SUPT6H: variants seen among roughly 807,000 people sequenced by gnomAD.
SUPT6H encodes the protein SPT6 homolog, histone chaperone and transcription elongation factor.
A neutral mutation model predicts 222.3 loss-of-function variants in SUPT6H; 11 were observed. The ratio of observed to expected loss-of-function variants is 0.05; its 90% CI spans 0.03 to 0.08. The LOEUF (loss-of-function observed/expected upper bound fraction) is 0.08. SUPT6H is among the 10% of genes least tolerant of loss of function. The probability of loss-of-function intolerance (pLI) is 1.00; values close to 1 mark genes in which losing one functional copy is unlikely to be tolerated. For synonymous variants in SUPT6H, 762 were observed against 801.2 expected (o/e 0.95, Z 0.83); for missense variants, 1,422 against 2,216.0 (o/e 0.64, Z 7.19).
chr17:28,692,897 A>G lies in SUPT6H; in HGVS notation c.3634-799A>G, dbSNP rs565009883. Among the ~76,000 whole-genome samples the G allele has an allele frequency of 2.0e-5, 3 of 147,034 alleles. No homozygotes were observed. The East Asian group carries it at 6.2e-4, about 30-fold the overall frequency. On this transcript the variant is annotated intron_variant, in intron 27 of 36. Coordinates refer to ENST00000314616, the MANE Select transcript of SUPT6H (RefSeq NM_003170.5). ...GCGCTTGTAGTCCCAGCTACTCGGG[A>G]GGCAGAGGCAGGAGAATGGCGTGAA...
At chr17:28,693,908 C>G (rs905438321) in intron 28 of SUPT6H, 72 bp downstream of exon 28, 12 of 1,592,640 alleles carry the variant, frequency 7.5e-6, no homozygotes, top group Admixed American at 1.7e-5. Flanking sequence ...TAACTTTGGG[C>G]TGTCCCCACC....
In SUPT6H at chr17:28,697,612, TC is replaced by T. The variant is rs769540168; in HGVS notation, c.4210-5del. 3.7e-6 allele frequency: 6 copies of T among 1,612,890 alleles called. No homozygotes were observed. In the South Asian group the frequency reaches 6.6e-5, roughly 18 times the overall value. On this transcript the variant is annotated splice_polypyrimidine_tract_variant and splice_region_variant and intron_variant, in intron 30 of 36. Transcript: ENST00000314616. ...ATGACACATGGGGCCTTTACCTTCT[TC>T]CCACAGGAATTCGAAGATTTGGATG...
At chr17:28,669,796 C>T (rs1047708174) in intron 1 of SUPT6H, among the ~76,000 whole-genome samples, 17 of 152,264 alleles carry the variant, frequency 1.1e-4, no homozygotes, top group South Asian at 1.0e-3. Flanking sequence ...ATTAGCTAGA[C>T]GTGGTGGCGA....
chr17:28,677,022 A>T (rs376783923), intron 7 of SUPT6H, among the ~76,000 whole-genome samples: 79 of 152,220 alleles, frequency 5.2e-4, no homozygotes, highest in East Asian at 4.4e-3. Flanking sequence ...TGAGGTCAGG[A>T]GTTCGAGACC....
chr17:28,676,957 G>A (rs1459039457), intron 7 of SUPT6H, among the ~76,000 whole-genome samples: 2 of 151,836 alleles, frequency 1.3e-5, no homozygotes, highest in African/African-American at 2.4e-5. Context: ...GGCCAGGCAC[G>A]GTGGTTCACA....
chr17:28,698,140 C>T, intron 32 of SUPT6H, 110 bp downstream of exon 32: 7 of 1,402,916 alleles, frequency 5.0e-6, no homozygotes, highest in Non-Finnish European at 6.6e-6. Flanking sequence ...TGCCTTTCTC[C>T]TCTCATCTGT....
At chr17:28,690,558 T>C (rs554322662) in intron 26 of SUPT6H, among the ~76,000 whole-genome samples, 3 of 152,290 alleles carry the variant, frequency 2.0e-5, no homozygotes, top group Admixed American at 2.0e-4. Flanking sequence ...GCAGACTGCT[T>C]GAGGCCAGGA....
intron 6 of SUPT6H, 28 bp from the exon 7 acceptor site, chr17:28,676,129 G>A: frequency 6.4e-7 from 1 of 1,552,104 alleles, no homozygotes; most frequent in African/African-American, 1.4e-5. Context: ...CTGAACCTGA[G>A]CCACCTGCCT....
At position 28,674,456 on chromosome 17, in the gene SUPT6H, G is replaced by C; in HGVS notation, c.268+15G>C. 1 of 1,614,148 alleles carries C rather than the reference G, an allele frequency of 6.2e-7. No homozygotes were observed. Among genetic ancestry groups the C allele is most frequent in the Non-Finnish European group, 8.5e-7 (1 of 1,180,004 alleles). On this transcript the variant is annotated intron_variant, in intron 3 of 36. Transcript: ENST00000314616. Reference sequence around the variant, plus strand: ...GAGAAAACGCAGTGAGTAGTCTGTCGTTGGCTCAAGTGAGGCTTGGGTGGA... The same window carrying C: ...GAGAAAACGCAGTGAGTAGTCTGTCCTTGGCTCAAGTGAGGCTTGGGTGGA...
intron 5 of SUPT6H, 33 bp from the exon 6 acceptor site, chr17:28,675,368 C>T (rs756216406): frequency 1.2e-6 from 2 of 1,607,876 alleles, no homozygotes; most frequent in South Asian, 2.2e-5. Context: ...CAGCCCCTGA[C>T]TCTGAGCCCC....
chr17:28,697,467 A>G (rs1190764608), intron 30 of SUPT6H, among the ~76,000 whole-genome samples, 153 bp from the exon 31 acceptor site: 1 of 152,176 alleles, frequency 6.6e-6, no homozygotes, highest in East Asian at 1.9e-4. Flanking sequence ...CCTGTGAGCT[A>G]ATATATCTGG....
chr17:28,667,439 A>ATGTG (rs1160938841), intron 1 of SUPT6H, among the ~76,000 whole-genome samples: 2 of 119,436 alleles, frequency 1.7e-5, no homozygotes, highest in South Asian at 2.9e-4. Context: ...ATATATATGT[A>ATGTG]TGTGTGTGTG....
chr17:28,681,236 TTA>T lies in SUPT6H; in HGVS notation c.1350-18_1350-17del. 6.2e-7 allele frequency: 1 copy of T among 1,613,148 alleles called. No homozygotes were observed. On this transcript the variant is annotated intron_variant, in intron 11 of 36. Coordinates refer to ENST00000314616, the MANE Select transcript of SUPT6H (RefSeq NM_003170.5). ...CCTTTCTGCAGTGATGACTGAAACC[TTA>T]TGTCTCTTCTTTTTCAGGCTCAAGG... is the stretch of plus-strand genomic sequence containing the variant.
chr17:28,686,921 G>A (rs188912372), intron 21 of SUPT6H, 132 bp downstream of exon 21: 14 of 1,474,516 alleles, frequency 9.5e-6, no homozygotes, highest in East Asian at 9.2e-5. Context: ...GAAGTTCTCC[G>A]TTTTGCAGTT....
chr17:28,691,735 A>C (rs1410782977), intron 27 of SUPT6H: 1 of 152,140 alleles, frequency 6.6e-6, no homozygotes, highest in Non-Finnish European at 1.5e-5. Context: ...CTGTAGTCCC[A>C]GCCACTCAGG....
At chr17:28,663,828 A>ATGTTTTTTTTTTTTTTTTTTTT (rs2072113348) in intron 1 of SUPT6H, among the ~76,000 whole-genome samples, 3 of 38,400 alleles carry the variant, frequency 7.8e-5, no homozygotes, top group East Asian at 2.0e-3. Flanking sequence ...TGCCCACTCC[A>ATGTTTTTTTTTTTTTTTTTTTT]TTTTTTTTTT....
intron 30 of SUPT6H, 59 bp downstream of exon 30, chr17:28,697,141 C>A: frequency 6.6e-7 from 1 of 1,510,054 alleles, no homozygotes; most frequent in Non-Finnish European, 9.2e-7. Flanking sequence ...AGGTGCCCTT[C>A]AGGGTGCTTT....
At chr17:28,670,604 G>A (rs552840697) in intron 1 of SUPT6H, among the ~76,000 whole-genome samples, 2 of 152,122 alleles carry the variant, frequency 1.3e-5, no homozygotes, top group South Asian at 2.1e-4. Context: ...TGAACAATCC[G>A]GCCAGGCGCG....
At chr17:28,675,233 T>G (rs2030672270) in intron 5 of SUPT6H, 71 bp downstream of exon 5, 2 of 1,525,588 alleles carry the variant, frequency 1.3e-6, no homozygotes, top group East Asian at 4.5e-5. Flanking sequence ...GGGAACAGGA[T>G]GGAAACCATT....
Sources: allele counts gnomAD v4.1 joint callset (sites outside exome capture counted in the v4.1 genomes callset), GRCh38; gene constraint gnomAD v4.1.1; transcripts MANE v1.5; gene names NCBI Gene and HGNC (gene_info 2026-07-23, HGNC 2026-07-21).